SLCO3A1: variants seen among roughly 807,000 people sequenced by gnomAD.
SLCO3A1 encodes PGE1 transporter.
In SLCO3A1, 27 loss-of-function variants were observed where a neutral mutation model predicts 63.1. That is an observed-to-expected ratio of 0.43 (90% confidence interval 0.32 to 0.59). The LOEUF (loss-of-function observed/expected upper bound fraction) is 0.59. SLCO3A1 is among the 20% of genes least tolerant of loss of function. SLCO3A1 has a pLI of 0.09. For synonymous variants in SLCO3A1, 473 were observed against 409.9 expected (o/e 1.15, Z -1.86); for missense variants, 773 against 945.8 (o/e 0.82, Z 2.40).
At chr15:91,957,051 A>ATATATTAT (rs1567037396) in intron 2 of SLCO3A1, among the ~76,000 whole-genome samples, 1 of 634 alleles carries the variant, frequency 1.6e-3, no homozygotes, top group Non-Finnish European at 2.4e-3. Context: ...GTATATATAT[A>ATATATTAT]ATATATACTA....
At chr15:91,903,711 A>T (rs1038086553) in intron 1 of SLCO3A1, among the ~76,000 whole-genome samples, 2 of 152,170 alleles carry the variant, frequency 1.3e-5, no homozygotes, top group Non-Finnish European at 2.9e-5. Flanking sequence ...CTTAGCCACC[A>T]CGTGTCCAGC....
chr15:92,031,567 C>T (rs2046648602), intron 2 of SLCO3A1, among the ~76,000 whole-genome samples: 1 of 152,170 alleles, frequency 6.6e-6, no homozygotes, highest in Non-Finnish European at 1.5e-5. Flanking sequence ...TTTCACTGTA[C>T]ACTCTGTAGA....
rs4932587 is a variant in SLCO3A1 at position 91,897,957 on chromosome 15, G to C, written c.181-18036G>C. The stretch of plus-strand genomic sequence containing the variant: ...ACACACGGGGTTTTTAAATTAGAAA[G>C]ATATCATGAGATGCAGAAAGCAGGT... On this transcript the variant is annotated intron_variant, in intron 1 of 9. Transcript: ENST00000318445. This position sits in a 1 kb window ranked among gnomAD's most constrained non-coding sequence, Gnocchi z 4.7. 6.6e-6 allele frequency among the ~76,000 whole-genome samples: 1 copy of C among 152,032 alleles called. No individual in the cohort carries two copies. The highest frequency in any genetic ancestry group is 1.5e-5 in the Non-Finnish European group (1 of 68,004).
chr15:92,042,073 C>T (rs770030183), intron 2 of SLCO3A1, among the ~76,000 whole-genome samples: 1 of 152,130 alleles, frequency 6.6e-6, no homozygotes, highest in Non-Finnish European at 1.5e-5. Context: ...CCCCATGTGA[C>T]TCTGGGGTTC....
At chr15:92,032,245 C>T (rs777394749) in intron 2 of SLCO3A1, among the ~76,000 whole-genome samples, 35 of 152,048 alleles carry the variant, frequency 2.3e-4, no homozygotes, top group Non-Finnish European at 4.6e-4. Flanking sequence ...CATGTGCAGG[C>T]GTGTGGCAGG....
intron 2 of SLCO3A1, among the ~76,000 whole-genome samples, chr15:92,027,701 A>G (rs956044934): frequency 1.3e-5 from 2 of 152,204 alleles, no homozygotes; most frequent in Non-Finnish European, 2.9e-5. Flanking sequence ...CAACATTTTT[A>G]TCCATGTCCC....
At chr15:92,093,150 A>T (rs540555253) in intron 2 of SLCO3A1, among the ~76,000 whole-genome samples, 31 of 152,320 alleles carry the variant, frequency 2.0e-4, no homozygotes, top group South Asian at 6.2e-4. Context: ...TGCTATAAAG[A>T]AATACCTGAG....
At chr15:91,946,751 C>T (rs552485816) in intron 2 of SLCO3A1, among the ~76,000 whole-genome samples, 1 of 152,228 alleles carries the variant, frequency 6.6e-6, no homozygotes, top group South Asian at 2.1e-4. Context: ...GTCAGAACCC[C>T]CAGTTCCCAG....
chr15:92,108,433 C>T (rs1387161230), intron 4 of SLCO3A1, among the ~76,000 whole-genome samples: 3 of 152,128 alleles, frequency 2.0e-5, no homozygotes, highest in Admixed American at 1.3e-4. Context: ...CATGGTAAGC[C>T]GTGTGTGGGC....
In SLCO3A1 at chr15:91,885,462, C is replaced by G. The variant is rs1446833513; in HGVS notation, c.181-30531C>G. 4.6e-5 allele frequency among the ~76,000 whole-genome samples: 7 copies of G among 152,194 alleles called. No homozygotes were observed. The highest frequency in any genetic ancestry group is 1.7e-4 in the African/African-American group (7 of 41,456). On this transcript the variant is annotated intron_variant, in intron 1 of 9. Coordinates refer to ENST00000318445, the MANE Select transcript of SLCO3A1 (RefSeq NM_013272.4). This position sits in a 1 kb window ranked among gnomAD's most constrained non-coding sequence, Gnocchi z 4.7. ...GAAGCCGGGCAGATGCCTCTTTGTT[C>G]CAGCAGCCAAACTCCAGCATGTCAC...
intron 2 of SLCO3A1, among the ~76,000 whole-genome samples, chr15:91,979,009 C>G (rs1901228835): frequency 6.6e-6 from 1 of 152,218 alleles, no homozygotes; most frequent in Non-Finnish European, 1.5e-5. Flanking sequence ...ATTCTCAATT[C>G]TCTTCACTTG....
chr15:91,892,569 T>G (rs1292582034), intron 1 of SLCO3A1, among the ~76,000 whole-genome samples: 1 of 152,178 alleles, frequency 6.6e-6, no homozygotes, highest in Admixed American at 6.5e-5. Flanking sequence ...AACAGCTTAT[T>G]GTCCATAAAG....
chr15:92,034,562 G>T (rs1421022668), intron 2 of SLCO3A1, among the ~76,000 whole-genome samples: 1 of 151,682 alleles, frequency 6.6e-6, no homozygotes, highest in Non-Finnish European at 1.5e-5. Context: ...AATCAGAAGA[G>T]GAAGACCTGG....
In SLCO3A1 at chr15:91,967,625, A is replaced by T. The variant is rs1429688156; in HGVS notation, c.646+51167A>T. On this transcript the variant is annotated intron_variant, in intron 2 of 9. Coordinates refer to ENST00000318445, the MANE Select transcript of SLCO3A1 (RefSeq NM_013272.4). This position sits in a 1 kb window ranked among gnomAD's most constrained non-coding sequence, Gnocchi z 4.4. ...CAGATAATCCCATATGAAATAAATT[A>T]AACCCGTTTTACAGATGGATTAATT... is the stretch of plus-strand genomic sequence containing the variant. Among the ~76,000 whole-genome samples the T allele has an allele frequency of 1.3e-5, 2 of 152,244 alleles. No individual in the cohort carries two copies. The highest frequency in any genetic ancestry group is 4.8e-5 in the African/African-American group (2 of 41,464).
intron 2 of SLCO3A1, among the ~76,000 whole-genome samples, chr15:92,087,649 C>A (rs892986541): frequency 6.6e-6 from 1 of 151,124 alleles, no homozygotes; most frequent in Non-Finnish European, 1.5e-5. Flanking sequence ...CTCCTGAGTG[C>A]CTGGGATTAC....
At chr15:91,919,426 T>G (rs770441488) in intron 2 of SLCO3A1, among the ~76,000 whole-genome samples, 3 of 152,218 alleles carry the variant, frequency 2.0e-5, no homozygotes, top group Non-Finnish European at 4.4e-5. Flanking sequence ...TCGGCTCTGC[T>G]GGCAGGCTTT....
intron 2 of SLCO3A1, among the ~76,000 whole-genome samples, chr15:92,045,443 C>T (rs1320044356): frequency 6.6e-6 from 1 of 152,020 alleles, no homozygotes; most frequent in East Asian, 1.9e-4. Flanking sequence ...AATGTGCATG[C>T]ATATAAAGGT....
intron 3 of SLCO3A1, among the ~76,000 whole-genome samples, chr15:92,096,037 G>C (rs148789253): frequency 6.6e-6 from 1 of 152,130 alleles, no homozygotes; most frequent in Non-Finnish European, 1.5e-5. Context: ...ACTGTTTTTC[G>C]TATTTTTTTC....
At chr15:91,921,931 C>T (rs1378590748) in intron 2 of SLCO3A1, among the ~76,000 whole-genome samples, 3 of 151,772 alleles carry the variant, frequency 2.0e-5, no homozygotes, top group African/African-American at 7.3e-5. Context: ...GACAGGGTTT[C>T]GTCATGTTGT....
Sources: gnomAD v4.1 joint callset for allele counts (sites outside exome capture counted in the v4.1 genomes callset) on GRCh38, gnomAD v4.1.1 for gene constraint, Gnocchi (gnomAD v3.1) non-coding constraint, MANE v1.5 for transcripts, NCBI Gene and HGNC (gene_info 2026-07-23, HGNC 2026-07-21) for gene names.